CD200: variants seen among roughly 807,000 people sequenced by gnomAD.
CD200 encodes OX-2 membrane glycoprotein.
A neutral mutation model predicts 30.9 loss-of-function variants in CD200; 15 were observed. The ratio of observed to expected loss-of-function variants is 0.49; its 90% CI spans 0.32 to 0.75. The LOEUF (loss-of-function observed/expected upper bound fraction) is 0.75. Ranked by LOEUF, CD200 falls within the 30% of genes least tolerant of loss-of-function variation. CD200 has a pLI of 0.03. For synonymous variants in CD200, 134 were observed against 126.2 expected, an observed-to-expected ratio of 1.06 and a Z score of -0.41; for missense variants, 262 against 324.2, an observed-to-expected ratio of 0.81 and a Z score of 1.47.
chr3:112,360,987 C>T (rs560821992), intron 5 of CD200, among the ~76,000 whole-genome samples: 14 of 152,144 alleles, frequency 9.2e-5, no homozygotes, highest in African/African-American at 2.9e-4. Context: ...CCTAGGATTA[C>T]GTATGCCCTT....
chr3:112,334,151 T>C, intron 1 of CD200: 1 of 985,260 alleles, frequency 1.0e-6, no homozygotes, highest in Non-Finnish European at 1.2e-6. Flanking sequence ...TAAAAATGAA[T>C]TATTACCTCG....
chr3:112,359,944 A>G (rs1368834335), intron 5 of CD200, among the ~76,000 whole-genome samples: 1 of 152,226 alleles, frequency 6.6e-6, no homozygotes, highest in African/African-American at 2.4e-5. Flanking sequence ...AGAGACCTTC[A>G]AGGAGAGAAT....
At chr3:112,347,974 AC>A in intron 4 of CD200, 144 bp downstream of exon 4, 2 of 732,854 alleles carry the variant, frequency 2.7e-6, no homozygotes, top group East Asian at 2.7e-5. Context: ...ACAAAACAAA[AC>A]AAAAAAATTG....
chr3:112,333,635 C>G (rs1167291375), intron 1 of CD200: 3 of 985,420 alleles, frequency 3.0e-6, no homozygotes, highest in Non-Finnish European at 3.6e-6. Flanking sequence ...AAGAGAAATG[C>G]TGTATTGGTT....
intron 2 of CD200, among the ~76,000 whole-genome samples, chr3:112,342,408 T>C (rs1372799466): frequency 2.8e-5 from 2 of 71,252 alleles, no homozygotes; most frequent in African/African-American, 5.4e-5. Context: ...TTTCTTTCTT[T>C]CTTTCTTTCT....
At chr3:112,341,233 T>C (rs536407741) in intron 2 of CD200, among the ~76,000 whole-genome samples, 18 of 152,362 alleles carry the variant, frequency 1.2e-4, no homozygotes, top group African/African-American at 4.3e-4. Context: ...AAAAATCCTC[T>C]ATTTTAAAAT....
chr3:112,353,299 G>A, intron 5 of CD200, among the ~76,000 whole-genome samples: 1 of 144,314 alleles, frequency 6.9e-6, no homozygotes, highest in East Asian at 1.9e-4. Flanking sequence ...GCTTTATTTT[G>A]TTTGGTTTGG....
At chr3:112,359,355 A>G (rs189599690) in intron 5 of CD200, among the ~76,000 whole-genome samples, 1 of 152,362 alleles carries the variant, frequency 6.6e-6, no homozygotes, top group East Asian at 1.9e-4. Flanking sequence ...TAGTTAGGTC[A>G]TATAAGAATT....
chr3:112,349,592 A>G (rs1157605716), intron 4 of CD200, 120 bp from the exon 5 acceptor site: 3 of 570,408 alleles, frequency 5.3e-6, no homozygotes, highest in Non-Finnish European at 8.5e-6. Flanking sequence ...ATGAAGTCAT[A>G]CGTATAAACC....
At chr3:112,354,827 C>T (rs144123076) in intron 5 of CD200, among the ~76,000 whole-genome samples, 3,108 of 152,080 alleles carry the variant, frequency 0.02, 43 homozygotes, top group Middle Eastern at 0.044. Context: ...TCCTTTTTTT[C>T]CCTCTCTCTC....
At position 112,361,889 on chromosome 3, in the gene CD200, A is replaced by G. The variant is rs1360841694; in HGVS notation, c.*339A>G. ...CTACTGGTGGGGACCTCTGTTAGTC[A>G]CTTTACCTCATCCAAAGTATAAAGG... On this transcript the variant is annotated 3_prime_UTR_variant, in exon 6 of 6. Transcript: ENST00000315711. 1.2e-5 allele frequency: 4 copies of G among 326,180 alleles called. No homozygotes were observed. Among genetic ancestry groups the G allele is most frequent in the Non-Finnish European group, 1.7e-5 (3 of 178,564 alleles). The allele number at this position is 326,180 out of a possible 1,614,324, so 20.2% of individuals were successfully genotyped here.
intron 3 of CD200, among the ~76,000 whole-genome samples, chr3:112,347,189 A>T (rs1357752092): frequency 6.6e-6 from 1 of 152,268 alleles, no homozygotes; most frequent in Non-Finnish European, 1.5e-5. Flanking sequence ...TTTAAGAGGA[A>T]TACCCAGAAG....
intron 5 of CD200, among the ~76,000 whole-genome samples, chr3:112,352,004 C>A (rs1022080129): frequency 6.6e-5 from 10 of 152,144 alleles, no homozygotes; most frequent in African/African-American, 1.9e-4. Context: ...GATCTTCCCC[C>A]CTTAAACACC....
chr3:112,336,668 C>A (rs1376077755), intron 1 of CD200, among the ~76,000 whole-genome samples: 1 of 76,038 alleles, frequency 1.3e-5, no homozygotes, highest in Non-Finnish European at 2.6e-5. Flanking sequence ...TGGGGCTAAA[C>A]AGGAGCCGAT....
intron 5 of CD200, among the ~76,000 whole-genome samples, chr3:112,350,926 C>T (rs1441436610): frequency 6.6e-6 from 1 of 152,078 alleles, no homozygotes; most frequent in African/African-American, 2.4e-5. Flanking sequence ...ACCCAAAAAG[C>T]CTTCAGTGTC....
At chr3:112,333,919 G>T (rs1314601797) in intron 1 of CD200, 2 of 985,382 alleles carry the variant, frequency 2.0e-6, no homozygotes, top group Non-Finnish European at 1.2e-6. Flanking sequence ...AACGGAGAAG[G>T]TTTTCATATA....
At position 112,335,858 on chromosome 3, in the gene CD200, C is replaced by T; in HGVS notation, c.12+2634C>T. On this transcript the variant is annotated intron_variant, in intron 1 of 5. Coordinates refer to ENST00000315711, the MANE Select transcript of CD200 (RefSeq NM_005944.7). Reference sequence around the variant, plus strand: ...CAGCTCTGGTGCTCAACACACACAACCACCTCCAGGGTACAAGTTGGCCCC... The same window carrying T: ...CAGCTCTGGTGCTCAACACACACAATCACCTCCAGGGTACAAGTTGGCCCC... The T allele has an allele frequency of 3.2e-6, 3 of 945,704 alleles. No homozygotes were observed. The South Asian group carries it at 3.9e-5, about 12-fold the overall frequency. The allele number at this position is 945,704 out of a possible 1,614,324, so 58.6% of individuals were successfully genotyped here. A position where few individuals can be genotyped will look rare whatever the true frequency, so the allele number is the denominator to read the frequency against.
chr3:112,344,145 C>G (rs947185540), intron 2 of CD200, among the ~76,000 whole-genome samples: 5 of 152,138 alleles, frequency 3.3e-5, no homozygotes, highest in African/African-American at 1.2e-4. Context: ...CACATGTATT[C>G]ATGTCAAAGT....
intron 5 of CD200, among the ~76,000 whole-genome samples, chr3:112,357,665 T>A (rs930056093): frequency 5.3e-5 from 8 of 152,214 alleles, no homozygotes; most frequent in Non-Finnish European, 1.2e-4. Context: ...GTTATCTGAA[T>A]CTGTTTGGAC....
Sources: gnomAD v4.1 joint callset for allele counts (sites outside exome capture counted in the v4.1 genomes callset) on GRCh38, gnomAD v4.1.1 for gene constraint, MANE v1.5 for transcripts, NCBI Gene and HGNC (gene_info 2026-07-23, HGNC 2026-07-21) for gene names.